Variants in GSN observed in about 807,000 individuals in gnomAD.
GSN encodes the protein gelsolin, also known as actin-depolymerizing factor.
A neutral mutation model predicts 85.7 loss-of-function variants in GSN; 56 were observed. The ratio of observed to expected loss-of-function variants is 0.65; its 90% CI spans 0.53 to 0.82. The LOEUF is 0.82. Ranked by LOEUF, GSN falls within the 40% of genes least tolerant of loss-of-function variation. The pLI, the probability that GSN is intolerant of heterozygous loss-of-function variation, is 0.00. For missense variants in GSN, 857 were observed against 979.8 expected (o/e 0.87, Z 1.67); for synonymous variants, 373 against 399.1 (o/e 0.93, Z 0.78).
rs899055134 is a variant in GSN at position 121,286,083 on chromosome 9, G to C, written c.-10+4521G>C. On this transcript the variant is annotated intron_variant, in intron 2 of 17. Transcript: ENST00000432226. ...GACTAATCCTGAGTCCTATTTATAG[G>C]CTGAGATGATTAGGTTGGCCTGTGT... The C allele has an allele frequency of 2.0e-6, 3 of 1,532,822 alleles. No homozygotes were observed. The African/African-American group carries it at 4.1e-5, about 21-fold the overall frequency. The allele number at this position is 1,532,822 out of a possible 1,614,324, so 95.0% of individuals were successfully genotyped here. A position where few individuals can be genotyped will look rare whatever the true frequency, so the allele number is the denominator to read the frequency against.
intron 4 of GSN, among the ~76,000 whole-genome samples, chr9:121,221,466 A>G (rs1311672156): frequency 6.6e-6 from 1 of 152,152 alleles, no homozygotes; most frequent in Admixed American, 6.5e-5. Context: ...TGCAGCTTTG[A>G]TGGTCCCCTC....
chr9:121,252,622 T>C (rs962676014), intron 6 of GSN, among the ~76,000 whole-genome samples: 2 of 152,172 alleles, frequency 1.3e-5, no homozygotes, highest in East Asian at 1.9e-4. Flanking sequence ...AGCTCTCCCT[T>C]AGCTTTCCTG....
chr9:121,279,708 C>T (rs1026466989), intron 1 of GSN, among the ~76,000 whole-genome samples: 1 of 152,008 alleles, frequency 6.6e-6, no homozygotes, highest in African/African-American at 2.4e-5. Context: ...ACAAATGCAG[C>T]ACCACCATGT....
Position 121,306,432 on chromosome 9 carries a change from T to G in GSN, c.351+3367T>G, listed in dbSNP as rs1436537904. Among the ~76,000 whole-genome samples, 6 of 152,380 alleles carry G rather than the reference T, an allele frequency of 3.9e-5. No homozygotes were observed. In the South Asian group the frequency reaches 8.3e-4, roughly 21 times the overall value. Reference sequence around the variant, plus strand: ...CTACAAGAGCAATATAAGCTTATTGTAAAATGTCAAACATTACAGAAATAT... The same window carrying G: ...CTACAAGAGCAATATAAGCTTATTGGAAAATGTCAAACATTACAGAAATAT... On this transcript the variant is annotated intron_variant, in intron 4 of 17. Coordinates refer to ENST00000432226, the MANE Select transcript of GSN (RefSeq NM_198252.3).
chr9:121,299,594 C>T lies in GSN; in HGVS notation c.-9-2369C>T, dbSNP rs2059565494. On this transcript the variant is annotated intron_variant, in intron 2 of 17. Transcript: ENST00000432226. This position sits in a 1 kb window ranked among gnomAD's most constrained non-coding sequence, Gnocchi z 4.2. Reference sequence around the variant, plus strand: ...CTGGGCTCGCCGCCGCTCGTGCCTGCGCCCATTTAGTGTGCACACAGCTAG... The same window carrying T: ...CTGGGCTCGCCGCCGCTCGTGCCTGTGCCCATTTAGTGTGCACACAGCTAG... 2 of 566,724 alleles carry T rather than the reference C, an allele frequency of 3.5e-6. No individual in the cohort carries two copies. Among genetic ancestry groups the T allele is most frequent in the Non-Finnish European group, 4.5e-6 (2 of 447,444 alleles). 35.1% of individuals were successfully genotyped at this position (566,724 alleles called of 1,614,324 possible). A position where few individuals can be genotyped will look rare whatever the true frequency, so the allele number is the denominator to read the frequency against.
rs565092005 is a variant in GSN at position 121,248,693 on chromosome 9, C to A, written c.-341+370C>A. ...GGCCTTGAAGGATAAGTAACACGAC[C>A]AGGTAGAGGTCATGGAAATGGGAAA... On this transcript the variant is annotated intron_variant, in intron 6 of 24. Transcript: ENST00000373823. Among the ~76,000 whole-genome samples, 9 of 152,206 alleles carry A rather than the reference C, an allele frequency of 5.9e-5. No individual in the cohort carries two copies. The South Asian group carries it at 1.7e-3, about 28-fold the overall frequency.
intron 5 of GSN, among the ~76,000 whole-genome samples, chr9:121,242,068 A>G (rs2054615733): frequency 6.6e-6 from 1 of 152,214 alleles, no homozygotes; most frequent in Non-Finnish European, 1.5e-5. Context: ...GCATGATAAT[A>G]ATCTCTATTA....
rs1169944198 is a variant in GSN at position 121,327,494 on chromosome 9, G to C, written c.1762+12G>C. Reference sequence around the variant, plus strand: ...AGGCAGCGAGCCAGGTAGGAGCCGGGGTGGGGGGCCTGCTGCTGTCCGGAT... The same window carrying C: ...AGGCAGCGAGCCAGGTAGGAGCCGGCGTGGGGGGCCTGCTGCTGTCCGGAT... On this transcript the variant is annotated intron_variant, in intron 14 of 17. Transcript: ENST00000432226. 6.4e-7 allele frequency: 1 copy of C among 1,553,368 alleles called. No individual in the cohort carries two copies. Among genetic ancestry groups the C allele is most frequent in the East Asian group, 2.4e-5 (1 of 42,130 alleles).
chr9:121,229,942 C>T (rs1024439231), intron 4 of GSN, among the ~76,000 whole-genome samples: 2 of 152,124 alleles, frequency 1.3e-5, no homozygotes, highest in African/African-American at 2.4e-5. Flanking sequence ...TCACTATATA[C>T]TCATGGATTC....
At chr9:121,277,819 G>A (rs1449896594) in intron 1 of GSN, among the ~76,000 whole-genome samples, 2 of 152,228 alleles carry the variant, frequency 1.3e-5, no homozygotes, top group African/African-American at 4.8e-5. Flanking sequence ...CTGTATTTAT[G>A]GATGCAAACT....
upstream of GSN, among the ~76,000 whole-genome samples, chr9:121,206,672 G>A (rs779120749): frequency 3.9e-5 from 6 of 152,004 alleles, no homozygotes; most frequent in Non-Finnish European, 7.4e-5. Context: ...CATTCCTTTG[G>A]CTGACGACCA....
At chr9:121,206,952 C>T (rs1303649797), upstream of GSN, among the ~76,000 whole-genome samples, 2 of 152,116 alleles carry the variant, frequency 1.3e-5, no homozygotes, top group Non-Finnish European at 2.9e-5. Flanking sequence ...AATGACCACA[C>T]CGTGAGATCC....
Position 121,318,654 on chromosome 9 carries a change from C to T in GSN, c.976-11C>T, listed in dbSNP as rs775846709. 6.2e-7 allele frequency: 1 copy of T among 1,602,296 alleles called. No homozygotes were observed. The highest frequency in any genetic ancestry group is 8.6e-7 in the Non-Finnish European group (1 of 1,169,218). On this transcript the variant is annotated splice_polypyrimidine_tract_variant and intron_variant, in intron 9 of 17. Coordinates refer to ENST00000432226, the MANE Select transcript of GSN (RefSeq NM_198252.3). This position sits in a 1 kb window ranked among gnomAD's most constrained non-coding sequence, Gnocchi z 4.3. The stretch of plus-strand genomic sequence containing the variant: ...CCAGCCACATCCTGCTCCTCTGCCT[C>T]CCCTCCCCAGGTCTCGGTCCTTCCT...
chr9:121,273,706 C>G (rs986869255), intron 1 of GSN, among the ~76,000 whole-genome samples: 3 of 151,858 alleles, frequency 2.0e-5, no homozygotes, highest in Non-Finnish European at 4.4e-5. Flanking sequence ...AAGTATTTTT[C>G]TCATGTTATT....
At chr9:121,286,535 C>A (rs2058097968) in intron 2 of GSN, 1 of 1,367,052 alleles carries the variant, frequency 7.3e-7, no homozygotes, top group Middle Eastern at 2.3e-4. Context: ...TCCTCCAAGG[C>A]TCTGCCCCAA....
At chr9:121,275,586 G>A (rs1424276654) in intron 1 of GSN, among the ~76,000 whole-genome samples, 1 of 152,062 alleles carries the variant, frequency 6.6e-6, no homozygotes, top group African/African-American at 2.4e-5. Context: ...GGCTTTTGTG[G>A]GCTAGCCTGT....
At chr9:121,315,875 A>G (rs1314655757) in intron 7 of GSN, among the ~76,000 whole-genome samples, 1 of 152,248 alleles carries the variant, frequency 6.6e-6, no homozygotes, top group Non-Finnish European at 1.5e-5. Context: ...CAAGTTCCTT[A>G]ACCACTCTGT....
At position 121,332,204 on chromosome 9, in the gene GSN, G is replaced by A. The variant is rs2064000767; in HGVS notation, c.2027-230G>A. ...AAGTAATAAGCTTTATGAAGCAGGAGATTAAGCCGTAGCCCTGTTCCTTCC... is the reference window on the plus strand; with the variant it reads ...AAGTAATAAGCTTTATGAAGCAGGAAATTAAGCCGTAGCCCTGTTCCTTCC... On this transcript the variant is annotated intron_variant, in intron 17 of 17. Transcript: ENST00000432226. This position sits in a 1 kb window ranked among gnomAD's most constrained non-coding sequence, Gnocchi z 4.8. 6.6e-6 allele frequency among the ~76,000 whole-genome samples: 1 copy of A among 152,224 alleles called. No homozygotes were observed. Among genetic ancestry groups the A allele is most frequent in the African/African-American group, 2.4e-5 (1 of 41,454 alleles).
intron 2 of GSN, among the ~76,000 whole-genome samples, chr9:121,294,800 T>C (rs2059055017): frequency 6.6e-6 from 1 of 152,214 alleles, no homozygotes; most frequent in South Asian, 2.1e-4. Context: ...TTTGTGACCC[T>C]GAAAAGTCAC....
Sources: allele counts gnomAD v4.1 joint callset (sites outside exome capture counted in the v4.1 genomes callset), GRCh38; gene constraint gnomAD v4.1.1; non-coding constraint Gnocchi (gnomAD v3.1); transcripts MANE v1.5; gene names NCBI Gene and HGNC (gene_info 2026-07-23, HGNC 2026-07-21).